Variants in CFAP46 observed in about 807,000 individuals in gnomAD.
CFAP46 encodes the protein cilia- and flagella-associated protein 46.
A neutral mutation model predicts 325.7 loss-of-function variants in CFAP46; 245 were observed. That is an observed-to-expected ratio of 0.75 (90% CI 0.68 to 0.84). CFAP46 has a LOEUF of 0.84. Among genes scored for constraint, CFAP46 ranks in the 40% least tolerant of loss-of-function variants. CFAP46 has a pLI of 0.00. For synonymous variants in CFAP46, 1,523 were observed against 1,495.9 expected (o/e 1.02, Z -0.42); for missense variants, 3,346 against 3,543.0 (o/e 0.94, Z 1.41).
In CFAP46 at chr10:132,880,314, G is replaced by A. The variant is rs564961881; in HGVS notation, c.3799+547C>T. Among the ~76,000 whole-genome samples, 9 of 152,328 alleles carry A rather than the reference G, an allele frequency of 5.9e-5. No homozygotes were observed. In the East Asian group the frequency reaches 1.4e-3, roughly 23 times the overall value. ...AGCCCTGGATGATGCCAGTGGGGCC[G>A]CCATTGTCTGCCCAGGTCCCCACTT... On this transcript the variant is annotated intron_variant, in intron 28 of 57. Transcript: ENST00000368586.
chr10:132,873,098 C>A (rs1848915780), intron 31 of CFAP46, among the ~76,000 whole-genome samples: 2 of 152,230 alleles, frequency 1.3e-5, no homozygotes, highest in Admixed American at 1.3e-4. Flanking sequence ...AAGATCCTCA[C>A]AAGAAACACA....
rs780891144 is a variant in CFAP46 at position 132,936,989 on chromosome 10, C to T, written c.727G>A (p.Val243Ile). 1 of 1,545,652 alleles carries T rather than the reference C, an allele frequency of 6.5e-7. No individual in the cohort carries two copies. The highest frequency in any genetic ancestry group is 8.8e-7 in the Non-Finnish European group (1 of 1,136,844). The change falls in exon 7 of 58, where the codon GTC becomes ATC. Residue 243 changes from valine to isoleucine, a missense_variant. Physicochemically the swap from Val to Ile is conservative, Grantham distance 29 (BLOSUM62 3). Coordinates refer to ENST00000368586, the MANE Select transcript of CFAP46 (RefSeq NM_001200049.3). ...TTTAGCATATTAATATAGAAAGTGA[C>T]TGACAGGCTAATGGAATTTTTCTTT... ...EEKKNSISLS[V>I]TFYINMLKAK...
intron 35 of CFAP46, among the ~76,000 whole-genome samples, chr10:132,865,165 GAGA>G (rs1848795384): frequency 6.6e-6 from 1 of 152,248 alleles, no homozygotes; most frequent in African/African-American, 2.4e-5. Context: ...AAAATCTGGA[GAGA>G]AGATGTCACC....
intron 25 of CFAP46, among the ~76,000 whole-genome samples, chr10:132,887,465 TTCTC>T (rs796420475): frequency 8.0e-5 from 9 of 112,724 alleles, no homozygotes; most frequent in South Asian, 4.0e-4. Context: ...CTCTCCCCTC[TTCTC>T]TCTCTCCTCT....
Position 132,869,742 on chromosome 10 carries a change from A to C in CFAP46, c.4512-370T>G, listed in dbSNP as rs1848870862. Among the ~76,000 whole-genome samples the C allele has an allele frequency of 6.6e-6, 1 of 152,124 alleles. No homozygotes were observed. Among genetic ancestry groups the C allele is most frequent in the Admixed American group, 6.5e-5 (1 of 15,278 alleles). Reference sequence around the variant, plus strand: ...TGTAAAATGCTTTCAGGCAAGCAGGAAAGTTGCACAGACACCAGGAAGCAT... The same window carrying C: ...TGTAAAATGCTTTCAGGCAAGCAGGCAAGTTGCACAGACACCAGGAAGCAT... On this transcript the variant is annotated intron_variant, in intron 32 of 57. Transcript: ENST00000368586. The surrounding 1 kb of genome is among the most constrained non-coding windows in gnomAD (Gnocchi z 6.2).
At chr10:132,904,026 C>G (rs138454456) in intron 22 of CFAP46, among the ~76,000 whole-genome samples, 2 of 152,332 alleles carry the variant, frequency 1.3e-5, no homozygotes, top group African/African-American at 4.8e-5. Context: ...TCACCAAGAA[C>G]AGAAAGCCAT....
At chr10:132,885,420 G>A in intron 26 of CFAP46, 134 bp from the exon 27 acceptor site, 1 of 914,408 alleles carries the variant, frequency 1.1e-6, no homozygotes, top group Non-Finnish European at 1.6e-6. Flanking sequence ...GGTGAGCGGG[G>A]GTCTCGGGGC....
At chr10:132,913,314 G>A (rs1431933589) in intron 17 of CFAP46, 56 bp from the exon 18 acceptor site, 1 of 1,227,650 alleles carries the variant, frequency 8.1e-7, no homozygotes, top group Non-Finnish European at 1.1e-6. Flanking sequence ...CCGGGGCCAG[G>A]CACCAGGAAG....
Position 132,826,124 on chromosome 10 carries a change from A to G in CFAP46, c.7117+7234T>C, listed in dbSNP as rs1335765319. Among the ~76,000 whole-genome samples, 26 of 124,058 alleles carry G rather than the reference A, an allele frequency of 2.1e-4. 1 individual carries two copies. The South Asian group carries it at 4.8e-3, about 23-fold the overall frequency. The allele number at this position is 124,058 out of a possible 152,430, so 81.4% of individuals were successfully genotyped here. ...GAGACCAGCCACGGAGCCAGGCAGG[A>G]GCCGGAGCCACAGAGACCAGCCACG... On this transcript the variant is annotated intron_variant, in intron 50 of 57. Coordinates refer to ENST00000368586, the MANE Select transcript of CFAP46 (RefSeq NM_001200049.3).
rs111418724 is a variant in CFAP46, at chr10:132,845,989, C to A, written c.6438+68G>T. On this transcript the variant is annotated intron_variant, in intron 44 of 57. Transcript: ENST00000368586. ...TGCCTCGCTCAGGCGTGGGACTGTGCGGCTGCAGTGTCTGTCCACAGAGCT... is the reference window on the plus strand; with the variant it reads ...TGCCTCGCTCAGGCGTGGGACTGTGAGGCTGCAGTGTCTGTCCACAGAGCT... 9 of 1,501,608 alleles carry A rather than the reference C, an allele frequency of 6.0e-6. No individual in the cohort carries two copies. The Admixed American group carries it at 9.4e-5, about 16-fold the overall frequency. 93.0% of individuals were successfully genotyped at this position (1,501,608 alleles called of 1,614,324 possible).
chr10:132,882,165 G>A lies in CFAP46; in HGVS notation c.3628-1133C>T, dbSNP rs1188339031. Among the ~76,000 whole-genome samples the A allele has an allele frequency of 2.0e-5, 3 of 149,708 alleles. No individual in the cohort carries two copies. In the East Asian group the frequency reaches 6.0e-4, roughly 30 times the overall value. ...TGTGTGTGGGATGTGGGGTGTGAGT[G>A]GTGTGTGTGGGATGTGGGGTGTGAG... On this transcript the variant is annotated intron_variant, in intron 27 of 57. Transcript: ENST00000368586.
rs1360328988 is a variant in CFAP46 at position 132,922,510 on chromosome 10, T to C, written c.1455A>G (p.Ala485=). 6.5e-7 allele frequency: 1 copy of C among 1,545,332 alleles called. No individual in the cohort carries two copies. Among genetic ancestry groups the C allele is most frequent in the African/African-American group, 1.4e-5 (1 of 73,100 alleles). The change falls in exon 12 of 58, where the codon GCA becomes GCG. Residue 485 remains alanine (A), a synonymous_variant. Coordinates refer to ENST00000368586, the MANE Select transcript of CFAP46 (RefSeq NM_001200049.3). The part of the protein sequence containing the change: ...CTTLYQAPER[A]EDKAIMAVEQ... ...CAACGGCCATGATGGCCTTGTCCTC[T>C]GCGCGCTCAGGGGCCTGGTATAGCG... is the stretch of plus-strand genomic sequence containing the variant.
Position 132,828,557 on chromosome 10 carries a change from T to C in CFAP46, c.7117+4801A>G, listed in dbSNP as rs1178893148. On this transcript the variant is annotated intron_variant, in intron 50 of 57. Transcript: ENST00000368586. This position sits in a 1 kb window ranked among gnomAD's most constrained non-coding sequence, Gnocchi z 4.9. ...TTGTTTCTTTCTTATTATTCAGTTTTGAGAGTTCTTTATATAGTCTAAATT... is the reference window on the plus strand; with the variant it reads ...TTGTTTCTTTCTTATTATTCAGTTTCGAGAGTTCTTTATATAGTCTAAATT... 1.3e-5 allele frequency among the ~76,000 whole-genome samples: 2 copies of C among 152,226 alleles called. No homozygotes were observed. The highest frequency in any genetic ancestry group is 6.5e-5 in the Admixed American group (1 of 15,282).
At chr10:132,845,993 T>C (rs1339667551) in intron 44 of CFAP46, 64 bp downstream of exon 44, 2 of 1,524,084 alleles carry the variant, frequency 1.3e-6, no homozygotes, top group African/African-American at 1.4e-5. Flanking sequence ...ACTGTGCGGC[T>C]GCAGTGTCTG....
chr10:132,839,232 G>C (rs1294721016), intron 44 of CFAP46, among the ~76,000 whole-genome samples: 1 of 152,190 alleles, frequency 6.6e-6, no homozygotes, highest in African/African-American at 2.4e-5. Flanking sequence ...TTTTTCCCTT[G>C]TACGGCTCCT....
At chr10:132,918,662 G>T in intron 15 of CFAP46, 142 bp from the exon 16 acceptor site, 1 of 1,135,494 alleles carries the variant, frequency 8.8e-7, no homozygotes, top group Non-Finnish European at 1.2e-6. Context: ...GTAGGCGGGA[G>T]GTGGGCAGCT....
In CFAP46 at chr10:132,851,313, G is replaced by C. The variant is rs754112041; in HGVS notation, c.5575-8C>G. On this transcript the variant is annotated splice_region_variant and splice_polypyrimidine_tract_variant and intron_variant, in intron 39 of 57. Coordinates refer to ENST00000368586, the MANE Select transcript of CFAP46 (RefSeq NM_001200049.3). ...CGTGTTGACGTTCTGCAACTGAGGG[G>C]GTCAGGCATGCCTCTGAAGCATGGA... is the stretch of plus-strand genomic sequence containing the variant. The C allele has an allele frequency of 1.4e-5, 22 of 1,611,922 alleles. No individual in the cohort carries two copies. The highest frequency in any genetic ancestry group is 1.9e-5 in the Non-Finnish European group (22 of 1,179,048).
At chr10:132,875,977 C>A (rs936890249) in intron 31 of CFAP46, among the ~76,000 whole-genome samples, 1 of 152,206 alleles carries the variant, frequency 6.6e-6, no homozygotes, top group Non-Finnish European at 1.5e-5. Flanking sequence ...CATGGCTGCT[C>A]ATGTGATTTT....
intron 8 of CFAP46, 143 bp from the exon 9 acceptor site, chr10:132,929,947 CAG>C: frequency 7.5e-6 from 5 of 667,318 alleles, no homozygotes; most frequent in Non-Finnish European, 1.2e-5. Flanking sequence ...TTAATTAGAA[CAG>C]AAGCCCTGTG....
Sources: allele counts gnomAD v4.1 joint callset (sites outside exome capture counted in the v4.1 genomes callset), GRCh38; gene constraint gnomAD v4.1.1; non-coding constraint Gnocchi (gnomAD v3.1); transcripts MANE v1.5; gene names NCBI Gene and HGNC (gene_info 2026-07-23, HGNC 2026-07-21).